The following CPM variants were observed in gnomAD, a reference collection of about 807,000 sequenced individuals.
CPM encodes the protein renal carboxypeptidase.
Under a neutral mutation model 46.4 loss-of-function variants are expected in CPM, and 35 were observed. The ratio of observed to expected loss-of-function variants is 0.75; its 90% CI spans 0.58 to 1.00. The LOEUF is 1.00. Among genes scored for constraint, CPM ranks in the 50% least tolerant of loss-of-function variants. The pLI, the probability that CPM is intolerant of heterozygous loss-of-function variation, is 0.00. For synonymous variants in CPM, 195 were observed against 195.3 expected, an observed-to-expected ratio of 1.00 and a Z score of 0.01; for missense variants, 422 against 530.4, an observed-to-expected ratio of 0.80 and a Z score of 2.01.
At chr12:68,918,735 G>A (rs1887916171) in intron 2 of CPM, among the ~76,000 whole-genome samples, 1 of 151,944 alleles carries the variant, frequency 6.6e-6, no homozygotes, top group African/African-American at 2.4e-5. Flanking sequence ...TCCTAACAGA[G>A]CATCTTAATC....
rs140818882 is a variant in CPM at position 68,947,948 on chromosome 12, A to C, written c.-3-15108T>G. Among the ~76,000 whole-genome samples, 232 of 152,288 alleles carry C rather than the reference A, an allele frequency of 1.5e-3. 1 individual carries two copies. Among genetic ancestry groups the C allele is most frequent in the African/African-American group, 5.2e-3 (216 of 41,560 alleles). ...GCATACCCACTCGCCAAACAGCTCTAATAGCTGTTCCCCATCCCAAAGCAA... is the reference window on the plus strand; with the variant it reads ...GCATACCCACTCGCCAAACAGCTCTCATAGCTGTTCCCCATCCCAAAGCAA... On this transcript the variant is annotated intron_variant, in intron 1 of 8. Coordinates refer to the CPM transcript ENST00000546373.
chr12:68,892,313 A>C (rs189522707), intron 2 of CPM, among the ~76,000 whole-genome samples: 4 of 152,050 alleles, frequency 2.6e-5, no homozygotes, highest in Admixed American at 2.6e-4. Context: ...CTCTGGGGAG[A>C]ACTGGAAATG....
chr12:68,896,902 G>A (rs1144953), intron 2 of CPM, among the ~76,000 whole-genome samples: 2 of 151,300 alleles, frequency 1.3e-5, no homozygotes, highest in African/African-American at 2.4e-5. Flanking sequence ...GGACAGTTAC[G>A]TTTTTAATTG....
chr12:68,861,229 G>A (rs1301203499), intron 7 of CPM, among the ~76,000 whole-genome samples: 1 of 152,156 alleles, frequency 6.6e-6, no homozygotes. Flanking sequence ...ACTATGTGGT[G>A]TGGCGGGGGG....
intron 5 of CPM, chr12:68,845,037 T>G (rs1592611751): frequency 4.9e-6 from 1 of 203,706 alleles, no homozygotes. Flanking sequence ...CAAAGTGCTG[T>G]GATTACAGGC....
At chr12:68,922,566 C>T (rs543657649) in intron 2 of CPM, among the ~76,000 whole-genome samples, 100 of 150,926 alleles carry the variant, frequency 6.6e-4, no homozygotes, top group African/African-American at 2.2e-3. Context: ...CGGGTAAGTG[C>T]GTGATAACTC....
upstream of CPM, among the ~76,000 whole-genome samples, chr12:68,934,678 T>C (rs1888638767): frequency 6.6e-6 from 1 of 152,144 alleles, no homozygotes; most frequent in Non-Finnish European, 1.5e-5. Flanking sequence ...AAAAAAGAAC[T>C]GAGGCGCTCA....
chr12:68,860,262 A>C (rs1381091039), intron 7 of CPM, among the ~76,000 whole-genome samples: 1 of 152,146 alleles, frequency 6.6e-6, no homozygotes, highest in African/African-American at 2.4e-5. Context: ...ACAACTGTGT[A>C]AACTTCTATT....
intron 3 of CPM, among the ~76,000 whole-genome samples, chr12:68,872,627 T>C (rs11831045): frequency 0.11 from 17,441 of 152,152 alleles, 2,104 homozygotes; most frequent in African/African-American, 0.3. Flanking sequence ...AGCAAGAGGT[T>C]GAGTTACAGA....
At chr12:68,963,434 A>G (rs1305068961), upstream of CPM, 2 of 152,234 alleles carry the variant, frequency 1.3e-5, no homozygotes, top group African/African-American at 4.8e-5. Context: ...CATTAAATGC[A>G]TTTGTATGTT....
chr12:68,961,296 C>T (rs1044845531), intron 1 of CPM, among the ~76,000 whole-genome samples: 12 of 152,084 alleles, frequency 7.9e-5, no homozygotes, highest in Admixed American at 6.5e-5. Context: ...CAGGCACATG[C>T]CCCCATGCCT....
At chr12:68,867,498 C>T (rs983860018) in intron 6 of CPM, among the ~76,000 whole-genome samples, 2 of 152,148 alleles carry the variant, frequency 1.3e-5, no homozygotes, top group Non-Finnish European at 2.9e-5. Context: ...GAATCATGGG[C>T]CAACATTCAC....
intron 1 of CPM, among the ~76,000 whole-genome samples, chr12:68,940,058 T>C (rs938057684): frequency 4.0e-5 from 6 of 151,890 alleles, no homozygotes; most frequent in South Asian, 2.1e-4. Context: ...AAATTATAAA[T>C]TAATTTATAT....
chr12:68,938,919 A>G (rs1342200500), intron 1 of CPM, among the ~76,000 whole-genome samples: 1 of 148,470 alleles, frequency 6.7e-6, no homozygotes, highest in African/African-American at 2.5e-5. Flanking sequence ...GTATATGTGT[A>G]TATGCATATA....
intron 2 of CPM, among the ~76,000 whole-genome samples, chr12:68,929,138 T>A (rs1462774395): frequency 1.3e-5 from 2 of 152,158 alleles, no homozygotes; most frequent in East Asian, 1.9e-4. Context: ...GTTCATTTTT[T>A]AAAAAAATAA....
intron 3 of CPM, among the ~76,000 whole-genome samples, chr12:68,877,203 T>A (rs547532311): frequency 6.6e-6 from 1 of 152,298 alleles, no homozygotes; most frequent in Non-Finnish European, 1.5e-5. Flanking sequence ...CACGTTACAA[T>A]CACTTGGCTG....
intron 1 of CPM, among the ~76,000 whole-genome samples, chr12:68,961,366 A>G (rs76347987): frequency 0.032 from 4,820 of 152,172 alleles, 126 homozygotes; most frequent in East Asian, 0.088. Flanking sequence ...GCTGGTCTTG[A>G]ACTCCTGGGC....
chr12:68,950,155 A>G (rs1003619291), intron 1 of CPM, among the ~76,000 whole-genome samples: 3 of 152,170 alleles, frequency 2.0e-5, no homozygotes, highest in African/African-American at 7.2e-5. Context: ...ATTAAGGTGC[A>G]TGTTCTAAAA....
intron 4 of CPM, among the ~76,000 whole-genome samples, chr12:68,870,678 T>C (rs1363802947): frequency 1.3e-5 from 2 of 152,192 alleles, no homozygotes; most frequent in East Asian, 3.9e-4. Context: ...TCTTAGATGC[T>C]CCCTTTTGGG....
Sources: gnomAD v4.1 joint callset for allele counts (sites outside exome capture counted in the v4.1 genomes callset) on GRCh38, gnomAD v4.1.1 for gene constraint, MANE v1.5 for transcripts, NCBI Gene and HGNC (gene_info 2026-07-23, HGNC 2026-07-21) for gene names.